The following JMJD1C variants were observed in gnomAD, a reference collection of about 807,000 sequenced individuals.
The protein encoded by JMJD1C is jumonji domain-containing protein 1C.
JMJD1C carries 31 observed loss-of-function variants against 245.3 expected under a neutral mutation model. The ratio of observed to expected loss-of-function variants is 0.13; its 90% confidence interval spans 0.09 to 0.17. The LOEUF (loss-of-function observed/expected upper bound fraction) is 0.17, where lower values mean the gene tolerates loss of function less well. Ranked by LOEUF, JMJD1C falls within the 10% of genes least tolerant of loss-of-function variation. The pLI is 1.00. For missense variants in JMJD1C, 2,691 were observed against 3,000.2 expected, an observed-to-expected ratio of 0.90 and a Z score of 2.41; for synonymous variants, 1,057 against 1,017.4, an observed-to-expected ratio of 1.04 and a Z score of -0.74.
intron 2 of JMJD1C, among the ~76,000 whole-genome samples, chr10:63,365,686 T>G (rs930791269): frequency 2.6e-5 from 4 of 152,210 alleles, no homozygotes; most frequent in African/African-American, 9.6e-5. Context: ...AAAATGAAAA[T>G]GTAAACAAAT....
At chr10:63,496,364 G>C (rs1223217199) in intron 1 of JMJD1C, among the ~76,000 whole-genome samples, 3 of 150,744 alleles carry the variant, frequency 2.0e-5, no homozygotes, top group East Asian at 3.9e-4. Context: ...TTTAAAAAGA[G>C]AAAAAAAAAT....
At chr10:63,419,366 G>A (rs916305988) in intron 1 of JMJD1C, among the ~76,000 whole-genome samples, 3 of 151,746 alleles carry the variant, frequency 2.0e-5, no homozygotes, top group Admixed American at 6.6e-5. Flanking sequence ...CAGCCTGGGC[G>A]ACAGAGCAAG....
rs139663688 is a variant in JMJD1C, at chr10:63,336,529, A to G, written c.333+43789T>C. ...CTAATAATACATTTAATTTTCCATTAGTTTCCACATCACGATCCCTAAAGC... is the reference window on the plus strand; with the variant it reads ...CTAATAATACATTTAATTTTCCATTGGTTTCCACATCACGATCCCTAAAGC... On this transcript the variant is annotated intron_variant, in intron 2 of 25. Transcript: ENST00000399262. Among the ~76,000 whole-genome samples the G allele has an allele frequency of 7.0e-4, 106 of 152,340 alleles. No individual in the cohort carries two copies. In the East Asian group the frequency reaches 0.014, roughly 20 times the overall value.
upstream of JMJD1C, among the ~76,000 whole-genome samples, chr10:63,469,055 T>C (rs1455535024): frequency 6.6e-6 from 1 of 152,350 alleles, no homozygotes; most frequent in East Asian, 1.9e-4. Context: ...ACCATAATTA[T>C]CTACTTAGTT....
In JMJD1C at chr10:63,282,152, T is replaced by C. The variant is rs150815832; in HGVS notation, c.334-17388A>G. Among the ~76,000 whole-genome samples, 143 of 152,344 alleles carry C rather than the reference T, an allele frequency of 9.4e-4. 1 individual carries two copies. Among genetic ancestry groups the C allele is most frequent in the African/African-American group, 3.4e-3 (141 of 41,570 alleles). ...GCAAACATCTGTTTCTTGTGCAGTA[T>C]AAGTCAACAAGGCTCTACAATTATT... On this transcript the variant is annotated intron_variant, in intron 2 of 25. Transcript: ENST00000399262.
chr10:63,423,987 GT>G (rs1950281905), intron 1 of JMJD1C, among the ~76,000 whole-genome samples: 1 of 152,074 alleles, frequency 6.6e-6, no homozygotes, highest in Admixed American at 6.5e-5. Context: ...AAATTGGGTT[GT>G]TTTCCTGTTG....
At chr10:63,171,712 G>C (rs1842387467) in intron 24 of JMJD1C, among the ~76,000 whole-genome samples, 1 of 152,046 alleles carries the variant, frequency 6.6e-6, no homozygotes. Context: ...AGAAACTCTG[G>C]TGGTGGGGTA....
intron 3 of JMJD1C, among the ~76,000 whole-genome samples, chr10:63,243,124 T>A (rs1230848179): frequency 7.3e-4 from 63 of 85,792 alleles, no homozygotes; most frequent in African/African-American, 1.4e-3. Flanking sequence ...TATATATATA[T>A]AAATATATAT....
chr10:63,492,532 G>C (rs1481536684), intron 1 of JMJD1C, among the ~76,000 whole-genome samples: 1 of 151,796 alleles, frequency 6.6e-6, no homozygotes, highest in Non-Finnish European at 1.5e-5. Context: ...TGGGCGTGGT[G>C]GCGTGGTGGC....
chr10:63,487,769 T>G (rs1236526173), intron 1 of JMJD1C, among the ~76,000 whole-genome samples: 1 of 152,210 alleles, frequency 6.6e-6, no homozygotes, highest in Non-Finnish European at 1.5e-5. Flanking sequence ...CAATGAGTGA[T>G]CACTCTTAGG....
chr10:63,222,426 TTTAC>T, intron 3 of JMJD1C: 1 of 921,720 alleles, frequency 1.1e-6, no homozygotes, highest in Admixed American at 1.7e-5. Context: ...AACCCTGATC[TTTAC>T]TTAAAGGAGT....
intron 1 of JMJD1C, among the ~76,000 whole-genome samples, chr10:63,460,536 A>G (rs1952718303): frequency 6.6e-6 from 1 of 152,166 alleles, no homozygotes; most frequent in South Asian, 2.1e-4. Context: ...AGTAAATAGT[A>G]ATAGAAACTT....
chr10:63,505,273 C>T (rs1429863947), intron 1 of JMJD1C, among the ~76,000 whole-genome samples: 12 of 149,116 alleles, frequency 8.0e-5, no homozygotes, highest in Non-Finnish European at 1.8e-4. Flanking sequence ...GCCGAGATCG[C>T]GCCACTGCAC....
At chr10:63,423,963 CT>C (rs1323841223) in intron 1 of JMJD1C, among the ~76,000 whole-genome samples, 4 of 152,160 alleles carry the variant, frequency 2.6e-5, no homozygotes, top group African/African-American at 9.7e-5. Context: ...TATTCAAGCC[CT>C]TTTCCCATTT....
chr10:63,356,881 G>C (rs1300264000), intron 2 of JMJD1C, among the ~76,000 whole-genome samples: 1 of 152,192 alleles, frequency 6.6e-6, no homozygotes, highest in East Asian at 1.9e-4. Context: ...AGTTGATTCT[G>C]ACTTTAGCAA....
chr10:63,413,401 CAT>C (rs758517141), intron 1 of JMJD1C, among the ~76,000 whole-genome samples: 117 of 152,080 alleles, frequency 7.7e-4, no homozygotes, highest in Admixed American at 2.2e-3. Context: ...AAATTTATGA[CAT>C]ATTATAGTTT....
chr10:63,410,875 A>G (rs1050165524), intron 1 of JMJD1C, among the ~76,000 whole-genome samples: 2 of 152,198 alleles, frequency 1.3e-5, no homozygotes, highest in Non-Finnish European at 2.9e-5. Context: ...TCAGGTCTTA[A>G]GCACTAATCA....
chr10:63,471,598 T>C (rs1378853109), intron 1 of JMJD1C, among the ~76,000 whole-genome samples: 1 of 152,246 alleles, frequency 6.6e-6, no homozygotes, highest in African/African-American at 2.4e-5. Flanking sequence ...ATACATATGA[T>C]TAATACTAAT....
rs143180157 is a variant in JMJD1C, at chr10:63,281,637, A to T, written c.334-16873T>A. ...AGGTGCATGCCACCACACTTGGCTA[A>T]CTTTTTGTATTTTTAGTAGACATGG... On this transcript the variant is annotated intron_variant, in intron 2 of 25. Coordinates refer to ENST00000399262, the MANE Select transcript of JMJD1C (RefSeq NM_032776.3). Among the ~76,000 whole-genome samples, 3 of 149,770 alleles carry T rather than the reference A, an allele frequency of 2.0e-5. No homozygotes were observed. In the East Asian group the frequency reaches 6.0e-4, roughly 30 times the overall value.
Sources: gnomAD v4.1 joint callset for allele counts (sites outside exome capture counted in the v4.1 genomes callset) on GRCh38, gnomAD v4.1.1 for gene constraint, MANE v1.5 for transcripts, NCBI Gene and HGNC (gene_info 2026-07-23, HGNC 2026-07-21) for gene names.